TRIB1: variants seen among roughly 807,000 people sequenced by gnomAD.
TRIB1 encodes the protein tribbles pseudokinase 1.
Under a neutral mutation model 27.8 loss-of-function variants are expected in TRIB1, and 12 were observed. That is an observed-to-expected ratio of 0.43 (90% CI 0.28 to 0.70). TRIB1 has a LOEUF of 0.70. Among genes scored for constraint, TRIB1 ranks in the 30% least tolerant of loss-of-function variants. TRIB1 has a pLI of 0.18. For synonymous variants in TRIB1, 230 were observed against 224.9 expected (o/e 1.02, Z -0.20); for missense variants, 475 against 515.8 (o/e 0.92, Z 0.77).
Position 125,433,164 on chromosome 8 carries a change from G to C in TRIB1, c.361-153G>C, listed in dbSNP as rs1259395224. 2.5e-6 allele frequency: 2 copies of C among 803,154 alleles called. No homozygotes were observed. The highest frequency in any genetic ancestry group is 4.0e-6 in the Non-Finnish European group (2 of 501,412). The allele number at this position is 803,154 out of a possible 1,614,324, so 49.8% of individuals were successfully genotyped here. ...AGGTGTCAGGGGCAGCTGGGGCTGCGTAAGGTAAGGTGGCAGAGGAAAGGA... is the reference window on the plus strand; with the variant it reads ...AGGTGTCAGGGGCAGCTGGGGCTGCCTAAGGTAAGGTGGCAGAGGAAAGGA... On this transcript the variant is annotated intron_variant, in intron 1 of 2. Coordinates refer to ENST00000311922, the MANE Select transcript of TRIB1 (RefSeq NM_025195.4). This position sits in a 1 kb window ranked among gnomAD's most constrained non-coding sequence, Gnocchi z 4.4.
chr8:125,432,213 T>A, intron 1 of TRIB1: 1 of 983,976 alleles, frequency 1.0e-6, no homozygotes, highest in Non-Finnish European at 1.2e-6. Flanking sequence ...TGCCACCTAC[T>A]GCCCAACCCG....
Position 125,436,475 on chromosome 8 carries a change from C to G in TRIB1, c.*4C>G. ...CATTAGTTCCTTCTTCTGCTAATCC[C>G]CAAAACCTCAGAAACCTCATAATTC... is the stretch of plus-strand genomic sequence containing the variant. On this transcript the variant is annotated 3_prime_UTR_variant, in exon 3 of 3. Coordinates refer to ENST00000311922, the MANE Select transcript of TRIB1 (RefSeq NM_025195.4). 1 of 1,611,924 alleles carries G rather than the reference C, an allele frequency of 6.2e-7. No individual in the cohort carries two copies.
Position 125,431,188 on chromosome 8 carries a change from C to G in TRIB1, c.286C>G (p.Leu96Val). The G allele has an allele frequency of 7.7e-7, 1 of 1,293,986 alleles. No individual in the cohort carries two copies. The highest frequency in any genetic ancestry group is 1.5e-5 in the African/African-American group (1 of 64,840). 80.2% of individuals were successfully genotyped at this position (1,293,986 alleles called of 1,614,324 possible). Residue 96 changes from leucine to valine, a missense_variant, in exon 1 of 3, where the codon CTG (leucine) becomes GTG (valine). Transcript: ENST00000311922. ...GCCCAGCCGCATCGCCGACTACCTG[C>G]TGCTGCCCCTAGCCGAGCGCGAGCA... The part of the protein sequence containing the change: ...PGPSRIADYL[L>V]LPLAEREHVS...
At chr8:125,432,353 A>ATGGGGTGGGAGG (rs1348622941) in intron 1 of TRIB1, 1 of 112,204 alleles carries the variant, frequency 8.9e-6, no homozygotes, top group Non-Finnish European at 1.8e-5. Flanking sequence ...ATGGGATGGG[A>ATGGGGTGGGAGG]TGGGGTGGGA....
In TRIB1 at chr8:125,431,042, G is replaced by A. The variant is rs1182365768; in HGVS notation, c.140G>A (p.Cys47Tyr). The change falls in exon 1 of 3, where the codon TGC (cysteine) becomes TAC (tyrosine). Residue 47 changes from cysteine to tyrosine, a missense_variant. Cys to Tyr is a radical substitution (Grantham distance 194). Transcript: ENST00000311922. ...GACGCGGCGGCTGTGGCGGCCAAGTGCCCGCGCCTCTCCGAGTGCTCCAGC... is the reference window on the plus strand; with the variant it reads ...GACGCGGCGGCTGTGGCGGCCAAGTACCCGCGCCTCTCCGAGTGCTCCAGC... ...ADDAAAVAAK[C>Y]PRLSECSSPP... 2.1e-6 allele frequency: 3 copies of A among 1,456,484 alleles called. No individual in the cohort carries two copies. The highest frequency in any genetic ancestry group is 2.7e-6 in the Non-Finnish European group (3 of 1,112,164). The allele number at this position is 1,456,484 out of a possible 1,614,324, so 90.2% of individuals were successfully genotyped here.
rs971408440 is a variant in TRIB1, at chr8:125,433,904, A to G, written c.653+295A>G. On this transcript the variant is annotated intron_variant, in intron 2 of 2. Transcript: ENST00000311922. The surrounding 1 kb of genome is among the most constrained non-coding windows in gnomAD (Gnocchi z 4.4). ...ATTCCCCATTGTTGTCAGAAAGGTC[A>G]GTTGTCTGGGGTACAAATATTAAAC... 7.4e-6 allele frequency: 3 copies of G among 406,796 alleles called. No individual in the cohort carries two copies. The Admixed American group carries it at 1.2e-4, about 16-fold the overall frequency. 25.2% of individuals were successfully genotyped at this position (406,796 alleles called of 1,614,324 possible).
intron 2 of TRIB1, 77 bp from the exon 3 acceptor site, chr8:125,435,929 G>A (rs1283236061): frequency 7.9e-7 from 1 of 1,272,456 alleles, no homozygotes; most frequent in Non-Finnish European, 1.1e-6. Context: ...TAGTGCCTGT[G>A]GGCGCTGTTA....
intron 1 of TRIB1, chr8:125,432,383 T>A: frequency 1.2e-6 from 1 of 834,000 alleles, no homozygotes; most frequent in Non-Finnish European, 1.4e-6. Flanking sequence ...AGCAGGGGAT[T>A]TTTCTAGCTG....
chr8:125,432,323 A>G, intron 1 of TRIB1: 2 of 288,348 alleles, frequency 6.9e-6, no homozygotes, highest in South Asian at 3.0e-4. Context: ...TGGGACAAGC[A>G]TGTATGTGTG....
chr8:125,431,404 AG>A (rs1252868027), intron 1 of TRIB1, 142 bp downstream of exon 1: 1 of 957,464 alleles, frequency 1.0e-6, no homozygotes, highest in Non-Finnish European at 1.4e-6. Flanking sequence ...CCATTTGACC[AG>A]GTTCACGTTT....
Position 125,436,335 on chromosome 8 carries a change from C to T in TRIB1, c.983C>T (p.Thr328Ile), listed in dbSNP as rs1407023166. The T allele has an allele frequency of 6.2e-7, 1 of 1,613,952 alleles. No individual in the cohort carries two copies. Among genetic ancestry groups the T allele is most frequent in the Non-Finnish European group, 8.5e-7 (1 of 1,180,030 alleles). ...LLRREPSERL[T>I]APEILLHPWF... ...AGACGGGAGCCCTCCGAGAGACTCA[C>T]TGCCCCCGAGATCCTACTGCACCCC... The change falls in exon 3 of 3, where the codon ACT (threonine) becomes ATT (isoleucine). Residue 328 changes from threonine (T) to isoleucine (I), a missense_variant. By Grantham distance (89) the Thr-to-Ile change is moderately conservative (BLOSUM62 -1). Transcript: ENST00000311922.
In TRIB1 at chr8:125,430,987, G is replaced by A; in HGVS notation, c.85G>A (p.Val29Ile). 6.8e-7 allele frequency: 1 copy of A among 1,467,902 alleles called. No individual in the cohort carries two copies. Among genetic ancestry groups the A allele is most frequent in the South Asian group, 1.3e-5 (1 of 76,306 alleles). The allele number at this position is 1,467,902 out of a possible 1,614,324, so 90.9% of individuals were successfully genotyped here. Residue 29 changes from valine (V) to isoleucine (I), a missense_variant, in exon 1 of 3, where the codon GTC (valine) becomes ATC (isoleucine). By Grantham distance (29) the Val-to-Ile change is conservative (BLOSUM62 3). Transcript: ENST00000311922. ...PALLFPATRG[V>I]PAKRLLDADD... Reference sequence around the variant, plus strand: ...CCTGCTCTTCCCAGCCACCCGAGGCGTCCCGGCCAAACGCCTGCTGGACGC... The same window carrying A: ...CCTGCTCTTCCCAGCCACCCGAGGCATCCCGGCCAAACGCCTGCTGGACGC...
In TRIB1 at chr8:125,430,613, A is replaced by C; in HGVS notation, c.-290A>C. ...TCCCGGACTATCGGCAGCCTCGGCA[A>C]CAATAGTGGCGGCCGCCCCCAGCGA... On this transcript the variant is annotated 5_prime_UTR_variant, in exon 1 of 3. Coordinates refer to ENST00000311922, the MANE Select transcript of TRIB1 (RefSeq NM_025195.4). 20 of 304,468 alleles carry C rather than the reference A, an allele frequency of 6.6e-5. No homozygotes were observed. Among genetic ancestry groups the C allele is most frequent in the Non-Finnish European group, 7.9e-5 (13 of 164,284 alleles). 18.9% of individuals were successfully genotyped at this position (304,468 alleles called of 1,614,324 possible).
intron 1 of TRIB1, among the ~76,000 whole-genome samples, chr8:125,431,578 TCC>T (rs1814657732): frequency 6.6e-6 from 1 of 152,148 alleles, no homozygotes; most frequent in Non-Finnish European, 1.5e-5. Flanking sequence ...GCCATGCCAT[TCC>T]CCTTCTCTCA....
Position 125,433,298 on chromosome 8 carries a change from G to GC in TRIB1, c.361-13dup, listed in dbSNP as rs374176209. 1,755 of 1,601,878 alleles carry GC rather than the reference G, an allele frequency of 1.1e-3. 3 individuals are homozygous for GC. The highest frequency in any genetic ancestry group is 1.3e-3 in the Non-Finnish European group (1,533 of 1,170,168). ...TTTGCTTTTCTAGCCCCCTAAACGG[G>GC]CCCCCCTTCTCTCTACAGGTGTTTC... On this transcript the variant is annotated intron_variant, in intron 1 of 2. Transcript: ENST00000311922. This position sits in a 1 kb window ranked among gnomAD's most constrained non-coding sequence, Gnocchi z 4.4.
chr8:125,433,250 C>A lies in TRIB1; in HGVS notation c.361-67C>A. On this transcript the variant is annotated intron_variant, in intron 1 of 2. Transcript: ENST00000311922. This position sits in a 1 kb window ranked among gnomAD's most constrained non-coding sequence, Gnocchi z 4.4. ...CAGGTTGAGAACTTCTGTTCAGCTCCCTCAGGGGTTTGGGAGGCTGCCTTT... is the reference window on the plus strand; with the variant it reads ...CAGGTTGAGAACTTCTGTTCAGCTCACTCAGGGGTTTGGGAGGCTGCCTTT... 6.6e-7 allele frequency: 1 copy of A among 1,522,572 alleles called. No homozygotes were observed. Among genetic ancestry groups the A allele is most frequent in the Non-Finnish European group, 9.0e-7 (1 of 1,114,476 alleles). 94.3% of individuals were successfully genotyped at this position (1,522,572 alleles called of 1,614,324 possible).
chr8:125,433,461 T>C lies in TRIB1; in HGVS notation c.505T>C (p.Ser169Pro). Reference protein sequence around the residue: ...FFEKDFGDMHSYVRSRKRLRE... With the variant: ...FFEKDFGDMHPYVRSRKRLRE... ...TGAGAAGGACTTTGGGGACATGCAC[T>C]CCTATGTGCGAAGCCGGAAGAGGCT... Residue 169 changes from serine (S) to proline (P), a missense_variant, in exon 2 of 3, where the codon TCC (serine) becomes CCC (proline). By Grantham distance (74) the Ser-to-Pro change is moderately conservative. Transcript: ENST00000311922. The surrounding 1 kb of genome is among the most constrained non-coding windows in gnomAD (Gnocchi z 4.4). The C allele has an allele frequency of 6.2e-7, 1 of 1,614,192 alleles. No homozygotes were observed. Among genetic ancestry groups the C allele is most frequent in the Non-Finnish European group, 8.5e-7 (1 of 1,180,046 alleles).
rs55953723 is a variant in TRIB1, at chr8:125,436,244, C to T, written c.892C>T (p.Arg298Cys). The stretch of plus-strand genomic sequence containing the variant: ...CAGTGCCCTTTTCTCCAAAATTCGG[C>T]GTGGACAGTTCTGCATTCCTGAGCA... ...DPSALFSKIR[R>C]GQFCIPEHIS... Residue 298 changes from arginine (R) to cysteine (C), a missense_variant, in exon 3 of 3, where the codon CGT becomes TGT. Arg to Cys is a radical substitution (Grantham distance 180, BLOSUM62 -3). Transcript: ENST00000311922. 16 of 1,613,972 alleles carry T rather than the reference C, an allele frequency of 9.9e-6. No homozygotes were observed. In the East Asian group the frequency reaches 2.5e-4, roughly 25 times the overall value.
At chr8:125,434,627 T>A (rs569584798) in intron 2 of TRIB1, among the ~76,000 whole-genome samples, 15 of 152,366 alleles carry the variant, frequency 9.8e-5, no homozygotes, top group African/African-American at 3.1e-4. Flanking sequence ...ATGCATTTTC[T>A]GAAACATGCC....
Sources: allele counts gnomAD v4.1 joint callset (sites outside exome capture counted in the v4.1 genomes callset), GRCh38; gene constraint gnomAD v4.1.1; non-coding constraint Gnocchi (gnomAD v3.1); transcripts MANE v1.5; gene names NCBI Gene and HGNC (gene_info 2026-07-23, HGNC 2026-07-21).